RAB11FIP3: variants seen among roughly 807,000 people sequenced by gnomAD.
The protein encoded by RAB11FIP3 is RAB11 family interacting protein 3, also known as rab11 family-interacting protein 3.
Under a neutral mutation model 77.8 loss-of-function variants are expected in RAB11FIP3, and 17 were observed. The observed-to-expected ratio is 0.22, with a 90% CI of 0.15 to 0.33. The LOEUF (loss-of-function observed/expected upper bound fraction) is 0.33. RAB11FIP3 is among the 10% of genes least tolerant of loss of function. The pLI, the probability that RAB11FIP3 is intolerant of heterozygous loss-of-function variation, is 1.00. For synonymous variants in RAB11FIP3, 437 were observed against 448.2 expected, an observed-to-expected ratio of 0.98 and a Z score of 0.31; for missense variants, 1,005 against 1,011.2, an observed-to-expected ratio of 0.99 and a Z score of 0.08.
rs895625432 is a variant in RAB11FIP3, at chr16:514,078, G to A, written c.1640+3278G>A. ...AGGGGTCTCACGAGGCCCTCAGGGA[G>A]CAAGCAGGGCCCAGTGTCACTGCCT... On this transcript the variant is annotated intron_variant, in intron 9 of 13. Coordinates refer to ENST00000262305, the MANE Select transcript of RAB11FIP3 (RefSeq NM_014700.4). This position sits in a 1 kb window ranked among gnomAD's most constrained non-coding sequence, Gnocchi z 4.6. Among the ~76,000 whole-genome samples, 8 of 152,250 alleles carry A rather than the reference G, an allele frequency of 5.3e-5. No homozygotes were observed. The highest frequency in any genetic ancestry group is 8.8e-5 in the Non-Finnish European group (6 of 68,036).
In RAB11FIP3 at chr16:461,576, C is replaced by T. The variant is rs2055605992; in HGVS notation, c.808+79C>T. On this transcript the variant is annotated intron_variant, in intron 2 of 13. Transcript: ENST00000262305. This position sits in a 1 kb window ranked among gnomAD's most constrained non-coding sequence, Gnocchi z 4.5. Reference sequence around the variant, plus strand: ...TCTCAGCCACCTGCACATCACCAGGCTCCTCGTGCTGACTCTAACATCTTT... The same window carrying T: ...TCTCAGCCACCTGCACATCACCAGGTTCCTCGTGCTGACTCTAACATCTTT... 1.7e-6 allele frequency: 2 copies of T among 1,179,190 alleles called. No individual in the cohort carries two copies. The highest frequency in any genetic ancestry group is 1.8e-5 in the Admixed American group (1 of 56,054). The allele number at this position is 1,179,190 out of a possible 1,614,324, so 73.0% of individuals were successfully genotyped here. A position where few individuals can be genotyped will look rare whatever the true frequency, so the allele number is the denominator to read the frequency against.
chr16:513,809 C>A (rs1422785508), intron 9 of RAB11FIP3, among the ~76,000 whole-genome samples: 1 of 152,206 alleles, frequency 6.6e-6, no homozygotes, highest in East Asian at 1.9e-4. Context: ...CACAGGGAGG[C>A]CTCCGTGCCT....
At chr16:436,308 CAAA>C (rs2055126856) in intron 1 of RAB11FIP3, among the ~76,000 whole-genome samples, 1 of 152,014 alleles carries the variant, frequency 6.6e-6, no homozygotes, top group African/African-American at 2.4e-5. Flanking sequence ...GACTGTGTCT[CAAA>C]GAAGAAGAAA....
intron 1 of RAB11FIP3, among the ~76,000 whole-genome samples, chr16:440,643 G>A (rs963061770): frequency 1.3e-5 from 2 of 152,234 alleles, no homozygotes; most frequent in African/African-American, 4.8e-5. Context: ...GGTCAGTGAT[G>A]CATCTTCCTC....
Position 520,866 on chromosome 16 carries a change from ATTC to A in RAB11FIP3, c.*28_*30del. The stretch of plus-strand genomic sequence containing the variant: ...GGCAGGAAGGTCCAGCCTGAGCTGG[ATTC>A]GGGACTCCAACACCCTGGAGTGGTT... On this transcript the variant is annotated 3_prime_UTR_variant, in exon 14 of 14. Transcript: ENST00000262305. The A allele has an allele frequency of 6.3e-7, 1 of 1,588,748 alleles. No individual in the cohort carries two copies. Among genetic ancestry groups the A allele is most frequent in the Non-Finnish European group, 8.6e-7 (1 of 1,157,792 alleles).
chr16:427,571 G>GT (rs1451806342), intron 1 of RAB11FIP3, among the ~76,000 whole-genome samples: 1 of 152,232 alleles, frequency 6.6e-6, no homozygotes, highest in Non-Finnish European at 1.5e-5. Context: ...GCAGGGCCGT[G>GT]TGTGTTCTGC....
chr16:471,417 G>T lies in RAB11FIP3; in HGVS notation c.903+28G>T, dbSNP rs1343669573. The T allele has an allele frequency of 1.3e-6, 2 of 1,540,478 alleles. No homozygotes were observed. The highest frequency in any genetic ancestry group is 1.8e-6 in the Non-Finnish European group (2 of 1,121,160). On this transcript the variant is annotated intron_variant, in intron 3 of 13. Coordinates refer to ENST00000262305, the MANE Select transcript of RAB11FIP3 (RefSeq NM_014700.4). The surrounding 1 kb of genome is among the most constrained non-coding windows in gnomAD (Gnocchi z 4.4). Reference sequence around the variant, plus strand: ...AAGTGGTTTTCACCCAGGAGCTTGGGGGAAGTCTGGCATCCACCTCTTCCT... The same window carrying T: ...AAGTGGTTTTCACCCAGGAGCTTGGTGGAAGTCTGGCATCCACCTCTTCCT...
chr16:464,101 CG>C (rs2055662834), intron 2 of RAB11FIP3, among the ~76,000 whole-genome samples: 1 of 152,072 alleles, frequency 6.6e-6, no homozygotes, highest in African/African-American at 2.4e-5. Flanking sequence ...CTGAGAGGAG[CG>C]TGCAGGCAAG....
intron 1 of RAB11FIP3, among the ~76,000 whole-genome samples, chr16:457,830 C>A (rs1020498752): frequency 1.3e-5 from 2 of 152,158 alleles, no homozygotes; most frequent in South Asian, 4.1e-4. Flanking sequence ...ACAGATTGGC[C>A]AGTCTGGACT....
Position 472,035 on chromosome 16 carries a change from A to G in RAB11FIP3, c.903+646A>G, listed in dbSNP as rs1319351931. On this transcript the variant is annotated intron_variant, in intron 3 of 13. Coordinates refer to ENST00000262305, the MANE Select transcript of RAB11FIP3 (RefSeq NM_014700.4). This position sits in a 1 kb window ranked among gnomAD's most constrained non-coding sequence, Gnocchi z 4.1. ...CGGGAAGGTGGAGGTGGCAGCCGCCAGTCCTGGTCAGCCTGCTGCCGAGCA... is the reference window on the plus strand; with the variant it reads ...CGGGAAGGTGGAGGTGGCAGCCGCCGGTCCTGGTCAGCCTGCTGCCGAGCA... 6.6e-6 allele frequency among the ~76,000 whole-genome samples: 1 copy of G among 152,190 alleles called. No homozygotes were observed. Among genetic ancestry groups the G allele is most frequent in the East Asian group, 1.9e-4 (1 of 5,188 alleles).
Position 461,090 on chromosome 16 carries a change from C to T in RAB11FIP3, c.715-314C>T, listed in dbSNP as rs977360323. On this transcript the variant is annotated intron_variant, in intron 1 of 13. Coordinates refer to ENST00000262305, the MANE Select transcript of RAB11FIP3 (RefSeq NM_014700.4). This position sits in a 1 kb window ranked among gnomAD's most constrained non-coding sequence, Gnocchi z 4.5. The stretch of plus-strand genomic sequence containing the variant: ...TGGTTTCATAGAAGACGCCTTTCCA[C>T]AGACGGGCAGGGCGTTGGGGTGGTT... 5.9e-5 allele frequency among the ~76,000 whole-genome samples: 9 copies of T among 152,182 alleles called. No individual in the cohort carries two copies. Among genetic ancestry groups the T allele is most frequent in the Admixed American group, 3.3e-4 (5 of 15,276 alleles).
intron 4 of RAB11FIP3, among the ~76,000 whole-genome samples, chr16:484,408 G>C (rs186341502): frequency 1.3e-5 from 2 of 151,980 alleles, no homozygotes; most frequent in East Asian, 3.9e-4. Flanking sequence ...CTGGAGTGCA[G>C]TGGTGCGATC....
At chr16:446,815 C>T (rs1293520009) in intron 1 of RAB11FIP3, among the ~76,000 whole-genome samples, 8 of 152,120 alleles carry the variant, frequency 5.3e-5, no homozygotes, top group African/African-American at 1.9e-4. Context: ...ATTCTCCTGC[C>T]TCAGCCTCCC....
chr16:470,678 G>A (rs1400473288), intron 2 of RAB11FIP3, among the ~76,000 whole-genome samples: 2 of 152,166 alleles, frequency 1.3e-5, no homozygotes, highest in Non-Finnish European at 1.5e-5. Flanking sequence ...GGTGCTGCGG[G>A]ATTGGTTGTG....
intron 2 of RAB11FIP3, among the ~76,000 whole-genome samples, chr16:463,430 G>GTTTTT (rs142875972): frequency 4.9e-5 from 4 of 82,260 alleles, no homozygotes; most frequent in South Asian, 4.1e-4. Flanking sequence ...TTGTTCCCCG[G>GTTTTT]TTTTTTTTTT....
chr16:510,703 G>A lies in RAB11FIP3; in HGVS notation c.1543G>A (p.Ala515Thr). The A allele has an allele frequency of 3.7e-6, 6 of 1,612,560 alleles. No individual in the cohort carries two copies. Among genetic ancestry groups the A allele is most frequent in the African/African-American group, 1.3e-5 (1 of 75,034 alleles). Residue 515 changes from alanine (A) to threonine (T), a missense_variant, in exon 9 of 14, where the codon GCC (alanine) becomes ACC (threonine). This residue lies in a region of RAB11FIP3 where 433 missense variants were observed against 436.1 expected (regional missense o/e 0.99). Coordinates refer to ENST00000262305, the MANE Select transcript of RAB11FIP3 (RefSeq NM_014700.4). ...GCAGCTGAAGGAGCAGGAGCTGAGA[G>A]CCTGCGAGATGGTCCTGGAAGAGAC... ...EEQLKEQELR[A>T]CEMVLEETRR...
At chr16:474,749 C>A (rs1417913656) in intron 3 of RAB11FIP3, 18 of 1,256,038 alleles carry the variant, frequency 1.4e-5, no homozygotes, top group Non-Finnish European at 1.8e-5. Context: ...AAACAAAAGC[C>A]ACTCTGTTTT....
At position 461,104 on chromosome 16, in the gene RAB11FIP3, G is replaced by A. The variant is rs987490658; in HGVS notation, c.715-300G>A. Among the ~76,000 whole-genome samples the A allele has an allele frequency of 2.0e-5, 3 of 152,242 alleles. No homozygotes were observed. The highest frequency in any genetic ancestry group is 4.4e-5 in the Non-Finnish European group (3 of 68,042). On this transcript the variant is annotated intron_variant, in intron 1 of 13. Transcript: ENST00000262305. The surrounding 1 kb of genome is among the most constrained non-coding windows in gnomAD (Gnocchi z 4.5). Reference sequence around the variant, plus strand: ...ACGCCTTTCCACAGACGGGCAGGGCGTTGGGGTGGTTTCAGGATGATACTG... The same window carrying A: ...ACGCCTTTCCACAGACGGGCAGGGCATTGGGGTGGTTTCAGGATGATACTG...
At chr16:497,998 G>A (rs528123526) in intron 6 of RAB11FIP3, among the ~76,000 whole-genome samples, 1 of 151,084 alleles carries the variant, frequency 6.6e-6, no homozygotes, top group South Asian at 2.1e-4. Context: ...AATAGGCAAG[G>A]TCTAGCTGCG....
Sources: gnomAD v4.1 joint callset for allele counts (sites outside exome capture counted in the v4.1 genomes callset) on GRCh38, gnomAD v4.1.1 for gene constraint, gnomAD v4.1.1 regional missense constraint, Gnocchi (gnomAD v3.1) non-coding constraint, MANE v1.5 for transcripts, NCBI Gene and HGNC (gene_info 2026-07-23, HGNC 2026-07-21) for gene names.